The following DNAH14 variants were observed in gnomAD, a reference collection of about 807,000 sequenced individuals.
DNAH14 encodes the protein dynein axonemal heavy chain 14.
DNAH14 carries 478 observed loss-of-function variants against 520.9 expected under a neutral mutation model. That is an observed-to-expected ratio of 0.92 (90% CI 0.85 to 0.99). The LOEUF (loss-of-function observed/expected upper bound fraction) is 0.99, where lower values mean the gene tolerates loss of function less well. DNAH14 is among the 50% of genes least tolerant of loss of function. The pLI is 0.00. For synonymous variants in DNAH14, 1,581 were observed against 1,757.2 expected (o/e 0.90, Z 2.51); for missense variants, 4,831 against 5,234.5 (o/e 0.92, Z 2.38).
At chr1:225,199,411 C>A (rs1419582797) in intron 38 of DNAH14, among the ~76,000 whole-genome samples, 1 of 151,878 alleles carries the variant, frequency 6.6e-6, no homozygotes, top group Non-Finnish European at 1.5e-5. Flanking sequence ...TTCTCTAGTT[C>A]CTTGAAGTGT....
chr1:225,152,188 T>A, intron 32 of DNAH14, 115 bp downstream of exon 32: 2 of 849,546 alleles, frequency 2.4e-6, no homozygotes, highest in Non-Finnish European at 3.6e-6. Context: ...GTCTCCACCA[T>A]CCTCTGAACA....
chr1:225,282,786 C>G (rs1018378905), intron 54 of DNAH14, among the ~76,000 whole-genome samples: 1 of 152,286 alleles, frequency 6.6e-6, no homozygotes, highest in Middle Eastern at 3.4e-3. Flanking sequence ...CATAGAGATG[C>G]AGATACTGGT....
At chr1:225,059,723 T>C (rs2069743835) in intron 17 of DNAH14, among the ~76,000 whole-genome samples, 1 of 152,086 alleles carries the variant, frequency 6.6e-6, no homozygotes, top group Non-Finnish European at 1.5e-5. Flanking sequence ...GCAGGCCTGG[T>C]GGTGACAAAA....
chr1:225,235,369 C>T (rs887231986), intron 42 of DNAH14, among the ~76,000 whole-genome samples: 9 of 152,156 alleles, frequency 5.9e-5, no homozygotes, highest in South Asian at 2.1e-4. Flanking sequence ...TTTGAACCAA[C>T]CTTACATCCC....
chr1:225,044,191 A>G (rs1246449524), intron 15 of DNAH14, among the ~76,000 whole-genome samples: 1 of 152,162 alleles, frequency 6.6e-6, no homozygotes, highest in African/African-American at 2.4e-5. Context: ...TGCATAAAAG[A>G]TGAGAATTAG....
At chr1:225,158,345 G>A (rs554704436) in intron 34 of DNAH14, among the ~76,000 whole-genome samples, 2 of 152,138 alleles carry the variant, frequency 1.3e-5, no homozygotes, top group East Asian at 3.9e-4. Context: ...CAGAGATGGG[G>A]CAGGGTGTGA....
At position 225,346,513 on chromosome 1, in the gene DNAH14, A is replaced by G. The variant is rs1558478044; in HGVS notation, c.11155A>G (p.Thr3719Ala). ...ACTTTGCTTCTCTTTTCGGCTTTGC[A>G]CTGTAATCATGCAAAACAATGCTAA... ...DKLCFSFRLCTVIMQNNANGN... is the reference protein window; with the variant it reads ...DKLCFSFRLCAVIMQNNANGN... The change falls in exon 71 of 86, where the codon ACT (threonine) becomes GCT (alanine). Residue 3719 changes from threonine to alanine, a missense_variant. Thr to Ala is a moderately conservative substitution (Grantham distance 58). Coordinates refer to ENST00000682510, the MANE Select transcript of DNAH14 (RefSeq NM_001367479.1). 8.4e-6 allele frequency: 13 copies of G among 1,551,182 alleles called. No homozygotes were observed.
Position 225,047,993 on chromosome 1 carries a change from C to T in DNAH14, c.1913-2217C>T, listed in dbSNP as rs111465520. On this transcript the variant is annotated intron_variant, in intron 15 of 85. Coordinates refer to ENST00000682510, the MANE Select transcript of DNAH14 (RefSeq NM_001367479.1). ...AAGGGTTTTGACAAGTGCACAGGTA[C>T]ATATCCACCATCACAGTTCCATACA... Among the ~76,000 whole-genome samples, 588 of 152,260 alleles carry T rather than the reference C, an allele frequency of 3.9e-3. 5 individuals carry two copies. The highest frequency in any genetic ancestry group is 0.013 in the African/African-American group (556 of 41,540).
At chr1:225,261,617 C>A (rs1483528324) in intron 46 of DNAH14, among the ~76,000 whole-genome samples, 1 of 152,018 alleles carries the variant, frequency 6.6e-6, no homozygotes, top group Non-Finnish European at 1.5e-5. Context: ...TTGTAATGTT[C>A]TTTTCTGGCT....
rs183978159 is a variant in DNAH14 at position 224,967,793 on chromosome 1, T to C, written c.651+210T>C. On this transcript the variant is annotated intron_variant, in intron 6 of 85. Transcript: ENST00000682510. Reference sequence around the variant, plus strand: ...AGATTTAGGTTTGAAGATTCAACTTTAATAAATTTTTTCATCTATCAAATA... The same window carrying C: ...AGATTTAGGTTTGAAGATTCAACTTCAATAAATTTTTTCATCTATCAAATA... 4.2e-6 allele frequency: 6 copies of C among 1,424,422 alleles called. No individual in the cohort carries two copies. In the Admixed American group the frequency reaches 8.5e-5, roughly 20 times the overall value. The allele number at this position is 1,424,422 out of a possible 1,614,324, so 88.2% of individuals were successfully genotyped here.
chr1:224,960,012 A>G (rs924826145), intron 3 of DNAH14, 141 bp from the exon 4 acceptor site: 5 of 692,862 alleles, frequency 7.2e-6, no homozygotes, highest in Admixed American at 7.9e-5. Flanking sequence ...GAACCCAGGC[A>G]GTGGGATTCA....
In DNAH14 at chr1:225,169,517, G is replaced by A. The variant is rs1408740405; in HGVS notation, c.5535+1489G>A. 2.0e-5 allele frequency among the ~76,000 whole-genome samples: 3 copies of A among 152,288 alleles called. No individual in the cohort carries two copies. The East Asian group carries it at 5.8e-4, about 29-fold the overall frequency. ...GACGCATGCACAAGCTTCAGTAGCC[G>A]ATATGATCAACTGCAAGAAAGGTTA... On this transcript the variant is annotated intron_variant, in intron 36 of 85. Coordinates refer to ENST00000682510, the MANE Select transcript of DNAH14 (RefSeq NM_001367479.1).
At chr1:225,324,500 A>G in intron 63 of DNAH14, 147 bp downstream of exon 63, 1 of 1,160,868 alleles carries the variant, frequency 8.6e-7, no homozygotes, top group South Asian at 1.6e-5. Context: ...ATTCTAACTC[A>G]CACAGATGTC....
At position 225,047,139 on chromosome 1, in the gene DNAH14, C is replaced by A. The variant is rs190109048; in HGVS notation, c.1913-3071C>A. Among the ~76,000 whole-genome samples the A allele has an allele frequency of 1.5e-3, 230 of 152,246 alleles. 3 individuals are homozygous for A. The highest frequency in any genetic ancestry group is 5.3e-3 in the African/African-American group (222 of 41,536). On this transcript the variant is annotated intron_variant, in intron 15 of 85. Transcript: ENST00000682510. ...GAAAATATATGTATGTATGCTAGCT[C>A]ATGCATACACACACAACTATATTTA...
chr1:225,309,384 T>A (rs1438958227), intron 60 of DNAH14, among the ~76,000 whole-genome samples: 2 of 152,106 alleles, frequency 1.3e-5, no homozygotes, highest in Non-Finnish European at 2.9e-5. Flanking sequence ...CATTTCAAAC[T>A]AGGTAACAGA....
Position 225,216,936 on chromosome 1 carries a change from G to A in DNAH14, c.6439+9716G>A, listed in dbSNP as rs532247095. ...GTCATTCTCCATCCAGCTTTGTTCC[G>A]TTGCTGTAGAGGAGCTTCATTCCTT... On this transcript the variant is annotated intron_variant, in intron 41 of 85. Transcript: ENST00000682510. Among the ~76,000 whole-genome samples the A allele has an allele frequency of 7.7e-4, 117 of 152,270 alleles. 1 individual carries two copies. Among genetic ancestry groups the A allele is most frequent in the African/African-American group, 2.4e-3 (100 of 41,540 alleles).
chr1:225,265,313 C>T lies in DNAH14; in HGVS notation c.7354C>T (p.Leu2452Phe), dbSNP rs2093071801. Residue 2452 changes from leucine (L) to phenylalanine (F), a missense_variant, in exon 48 of 86, where the codon CTT (leucine) becomes TTT (phenylalanine). Coordinates refer to ENST00000682510, the MANE Select transcript of DNAH14 (RefSeq NM_001367479.1). ...AGCTGCCAAAACCAAGGAGATGATT[C>T]TTAAGAAGTTAATAAGAAGAACTAA... Reference protein sequence around the residue: ...VTAAKTKEMILKKLIRRTKDT... With the variant: ...VTAAKTKEMIFKKLIRRTKDT... The T allele has an allele frequency of 1.9e-6, 3 of 1,545,382 alleles. No individual in the cohort carries two copies. In the East Asian group the frequency reaches 7.4e-5, roughly 38 times the overall value.
chr1:224,951,924 C>T (rs886344630), intron 1 of DNAH14, among the ~76,000 whole-genome samples: 13 of 152,214 alleles, frequency 8.5e-5, no homozygotes, highest in Admixed American at 4.6e-4. Context: ...CAGGCGTGAG[C>T]CACGGCGCCC....
intron 41 of DNAH14, among the ~76,000 whole-genome samples, chr1:225,219,109 T>TTAA (rs2089766405): frequency 6.6e-6 from 1 of 152,158 alleles, no homozygotes; most frequent in Non-Finnish European, 1.5e-5. Context: ...ACTAAGTTTT[T>TTAA]AAAATGAATG....
Sources: gnomAD v4.1 joint callset for allele counts (sites outside exome capture counted in the v4.1 genomes callset) on GRCh38, gnomAD v4.1.1 for gene constraint, MANE v1.5 for transcripts, NCBI Gene and HGNC (gene_info 2026-07-23, HGNC 2026-07-21) for gene names.